PRKAR1A: variants seen among roughly 807,000 people sequenced by gnomAD.
The protein encoded by PRKAR1A is protein kinase cAMP-dependent type I regulatory subunit alpha, also known as cAMP-dependent protein kinase type I-alpha regulatory subunit.
In PRKAR1A, 3 loss-of-function variants were observed where a neutral mutation model predicts 52.0. The ratio of observed to expected loss-of-function variants is 0.06; its 90% CI spans 0.03 to 0.15. The LOEUF (loss-of-function observed/expected upper bound fraction) is 0.15. Ranked by LOEUF, PRKAR1A falls within the 10% of genes least tolerant of loss-of-function variation. The pLI is 1.00. For synonymous variants in PRKAR1A, 188 were observed against 168.4 expected, an observed-to-expected ratio of 1.12 and a Z score of -0.90; for missense variants, 240 against 477.4, an observed-to-expected ratio of 0.50 and a Z score of 4.63.
the PRKAR1A span, among the ~76,000 whole-genome samples, chr17:68,477,666 G>A: frequency 3.3e-5 from 5 of 150,218 alleles, no homozygotes; most frequent in Non-Finnish European, 7.4e-5. Flanking sequence ...TCCTATGTTC[G>A]ATCTAATGCT....
rs933520060 is a variant in PRKAR1A, at chr17:68,529,922, G to C, written c.894G>C (p.Gly298=). The change falls in exon 10 of 11, where the codon GGG becomes GGC. Residue 298 remains glycine (G), a splice_region_variant and synonymous_variant. Transcript: ENST00000589228. ...GCTTTTTGGTGATTTTATTATAGGG[G>C]TCAGCTGCTGTGCTACAACGTCGGT... ...PGDEFFIILE[G]SAAVLQRRSE... 7 of 1,613,910 alleles carry C rather than the reference G, an allele frequency of 4.3e-6. No individual in the cohort carries two copies. Among genetic ancestry groups the C allele is most frequent in the Non-Finnish European group, 5.1e-6 (6 of 1,179,930 alleles).
intron 11 of PRKAR1A, chr17:68,550,951 A>G (rs771508582): frequency 4.2e-5 from 30 of 706,704 alleles, no homozygotes; most frequent in Admixed American, 8.9e-5. Context: ...GGGGCTCTCA[A>G]TGGGCCTCCC....
At chr17:68,468,310 G>C in the PRKAR1A span, among the ~76,000 whole-genome samples, 1 of 152,234 alleles carries the variant, frequency 6.6e-6, no homozygotes, top group Non-Finnish European at 1.5e-5. Flanking sequence ...GATTGGGAGA[G>C]AGATCTAGGA....
the PRKAR1A span, among the ~76,000 whole-genome samples, chr17:68,453,358 C>T: frequency 3.9e-5 from 6 of 152,188 alleles, no homozygotes; most frequent in Non-Finnish European, 8.8e-5. Context: ...CTACCTCCAA[C>T]ACAACGAGGG....
chr17:68,450,969 TG>T, the PRKAR1A span: 2 of 1,539,006 alleles, frequency 1.3e-6, no homozygotes, highest in Non-Finnish European at 1.7e-6. Flanking sequence ...TCCATGACAC[TG>T]GGCCCGGCGC....
the PRKAR1A span, among the ~76,000 whole-genome samples, chr17:68,479,950 T>G: frequency 6.6e-6 from 1 of 152,326 alleles, no homozygotes; most frequent in East Asian, 1.9e-4. Flanking sequence ...CACCAGGTCT[T>G]GTGAGAACTC....
At chr17:68,433,561 C>T in the PRKAR1A span, 2 of 1,613,660 alleles carry the variant, frequency 1.2e-6, no homozygotes, top group Admixed American at 1.7e-5. Context: ...CACTAGAGAG[C>T]TGATTGTCAC....
the PRKAR1A span, among the ~76,000 whole-genome samples, chr17:68,491,970 C>T: frequency 3.9e-5 from 6 of 152,190 alleles, no homozygotes; most frequent in Non-Finnish European, 8.8e-5. Flanking sequence ...TCTGTCCTGG[C>T]CATGGGCCAG....
At chr17:68,482,580 G>A in the PRKAR1A span, among the ~76,000 whole-genome samples, 587 of 152,192 alleles carry the variant, frequency 3.9e-3, 3 homozygotes, top group African/African-American at 0.013. Flanking sequence ...TTCAAGTTTT[G>A]TACTTCCTTC....
chr17:68,528,806 TTC>T, intron 8 of PRKAR1A, 62 bp from the exon 9 acceptor site: 2 of 1,595,630 alleles, frequency 1.3e-6, no homozygotes, highest in South Asian at 2.2e-5. Flanking sequence ...TCTTTATACT[TTC>T]TTTTTACCTT....
At chr17:68,486,455 T>C in the PRKAR1A span, among the ~76,000 whole-genome samples, 2 of 113,382 alleles carry the variant, frequency 1.8e-5, no homozygotes, top group Non-Finnish European at 3.8e-5. Context: ...CCTTCCCTCT[T>C]TCTTTCTTTC....
At chr17:68,485,795 G>T in the PRKAR1A span, among the ~76,000 whole-genome samples, 1 of 152,154 alleles carries the variant, frequency 6.6e-6, no homozygotes, top group African/African-American at 2.4e-5. Context: ...CTGGAGTGCA[G>T]TGGCGTGATC....
chr17:68,420,147 C>CTG, the PRKAR1A span: 1 of 1,604,742 alleles, frequency 6.2e-7, no homozygotes, highest in South Asian at 1.1e-5. Flanking sequence ...CACAGGGCAA[C>CTG]TGTCAGGGTT....
At chr17:68,448,325 C>T in the PRKAR1A span, 37 of 152,294 alleles carry the variant, frequency 2.4e-4, no homozygotes, top group East Asian at 3.7e-3. Flanking sequence ...TCATTCTTGT[C>T]GGAGAAGAAA....
At chr17:68,509,085 G>A (rs113560707), upstream of PRKAR1A, among the ~76,000 whole-genome samples, 1,719 of 152,036 alleles carry the variant, frequency 0.011, 13 homozygotes, top group Non-Finnish European at 0.02. Flanking sequence ...TTCCTTTCAC[G>A]TTTTAGCTTT....
intron 11 of PRKAR1A, among the ~76,000 whole-genome samples, chr17:68,549,669 A>T (rs546404153): frequency 6.6e-6 from 1 of 152,166 alleles, no homozygotes; most frequent in Non-Finnish European, 1.5e-5. Flanking sequence ...CCTCTCTCTA[A>T]CTGGGGCTGT....
chr17:68,452,190 A>G, the PRKAR1A span, among the ~76,000 whole-genome samples: 1 of 152,244 alleles, frequency 6.6e-6, no homozygotes, highest in Admixed American at 6.5e-5. Context: ...TAAATAGGAT[A>G]CCGTTGCCTT....
chr17:68,530,482 C>A lies in PRKAR1A; in HGVS notation c.*33C>A. 1.2e-6 allele frequency: 2 copies of A among 1,613,964 alleles called. No individual in the cohort carries two copies. Among genetic ancestry groups the A allele is most frequent in the East Asian group, 4.5e-5 (2 of 44,890 alleles). On this transcript the variant is annotated 3_prime_UTR_variant, in exon 11 of 11. Coordinates refer to ENST00000589228, the MANE Select transcript of PRKAR1A (RefSeq NM_002734.5). Reference sequence around the variant, plus strand: ...CTCCTGTGCCTCCCTTTTCTCCTCTCCCCAATCCATGCTTCACTCATGCAA... The same window carrying A: ...CTCCTGTGCCTCCCTTTTCTCCTCTACCCAATCCATGCTTCACTCATGCAA...
At chr17:68,436,993 CAAAAAAAAA>C in the PRKAR1A span, among the ~76,000 whole-genome samples, 2 of 124,672 alleles carry the variant, frequency 1.6e-5, no homozygotes, top group Non-Finnish European at 3.5e-5. Flanking sequence ...GACCCCGTCT[CAAAAAAAAA>C]AAAATATATA....
Sources: allele counts gnomAD v4.1 joint callset (sites outside exome capture counted in the v4.1 genomes callset), GRCh38; gene constraint gnomAD v4.1.1; transcripts MANE v1.5; gene names NCBI Gene and HGNC (gene_info 2026-07-23, HGNC 2026-07-21).